IGSF9B: variants seen among roughly 807,000 people sequenced by gnomAD.
IGSF9B encodes the protein protein turtle homolog B.
IGSF9B carries 48 observed loss-of-function variants against 143.7 expected under a neutral mutation model. The ratio of observed to expected loss-of-function variants is 0.33; its 90% confidence interval spans 0.26 to 0.42. The LOEUF is 0.42. IGSF9B is among the 20% of genes least tolerant of loss of function. IGSF9B has a pLI of 1.00. For synonymous variants in IGSF9B, 903 were observed against 833.1 expected, an observed-to-expected ratio of 1.08 and a Z score of -1.44; for missense variants, 1,706 against 1,980.0, an observed-to-expected ratio of 0.86 and a Z score of 2.63.
intron 17 of IGSF9B, 56 bp from the exon 18 acceptor site, chr11:133,921,453 G>A (rs774548203): frequency 1.9e-4 from 263 of 1,352,998 alleles, no homozygotes; most frequent in Non-Finnish European, 2.5e-4. Context: ...TGCTGGCCAG[G>A]ACTTCCTTTC....
At chr11:133,915,185 G>A (rs1939357697) in intron 18 of IGSF9B, among the ~76,000 whole-genome samples, 1 of 151,894 alleles carries the variant, frequency 6.6e-6, no homozygotes, top group African/African-American at 2.4e-5. Flanking sequence ...ACTCCAAGAT[G>A]AGGGCCTCAA....
Position 133,903,222 on chromosome 11 carries a change from G to A in IGSF9B, c.*5847C>T, listed in dbSNP as rs756689390. On this transcript the variant is annotated 3_prime_UTR_variant, in exon 20 of 20. Transcript: ENST00000533871. ...AGTGCCACAGAGAGGTAGGATTGGT[G>A]GAGCACACTTCTTCAAGACCCGAAA... Among the ~76,000 whole-genome samples the A allele has an allele frequency of 6.6e-5, 10 of 152,050 alleles. No homozygotes were observed. The highest frequency in any genetic ancestry group is 1.3e-4 in the Non-Finnish European group (9 of 68,014).
rs923705095 is a variant in IGSF9B at position 133,927,084 on chromosome 11, G to A, written c.1639C>T (p.Arg547Trp). Reference protein sequence around the residue: ...YEQTFSVWMKRAQFGPHDWLS... With the variant: ...YEQTFSVWMKWAQFGPHDWLS... ...CAGTCATGGGGCCCAAACTGTGCCCGCTTCATCCTGGCCAAAAGAGAGAGA... is the reference window on the plus strand; with the variant it reads ...CAGTCATGGGGCCCAAACTGTGCCCACTTCATCCTGGCCAAAAGAGAGAGA... The change falls in exon 13 of 20, where the codon CGG becomes TGG. Residue 547 changes from arginine (R) to tryptophan (W), a missense_variant. Transcript: ENST00000533871. The A allele has an allele frequency of 1.9e-6, 3 of 1,552,612 alleles. No homozygotes were observed. Among genetic ancestry groups the A allele is most frequent in the South Asian group, 1.2e-5 (1 of 84,186 alleles).
intron 1 of IGSF9B, among the ~76,000 whole-genome samples, chr11:133,955,891 C>CCCGCCCCTCCCCTCCCCCGCCG (rs1423718823): frequency 2.0e-5 from 3 of 152,074 alleles, no homozygotes. Context: ...CCCCCCCTTC[C>CCCGCCCCTCCCCTCCCCCGCCG]CCGCCCCTCC....
chr11:133,904,684 CAA>C lies in IGSF9B; in HGVS notation c.*4383_*4384del, dbSNP rs1267962927. Among the ~76,000 whole-genome samples the C allele has an allele frequency of 6.6e-6, 1 of 152,052 alleles. No homozygotes were observed. Among genetic ancestry groups the C allele is most frequent in the Non-Finnish European group, 1.5e-5 (1 of 68,014 alleles). On this transcript the variant is annotated 3_prime_UTR_variant, in exon 20 of 20. Coordinates refer to ENST00000533871, the MANE Select transcript of IGSF9B (RefSeq NM_001277285.4). ...CAAGTAACTAAGTTATCACATGACT[CAA>C]AGAGATGCTGAGGCTTGGTGTCCCC...
At chr11:133,940,381 C>T (rs1488827736) in intron 3 of IGSF9B, among the ~76,000 whole-genome samples, 2 of 142,892 alleles carry the variant, frequency 1.4e-5, no homozygotes, top group Non-Finnish European at 3.0e-5. Context: ...CGCACGTCCT[C>T]GCATGCGTCA....
Position 133,909,335 on chromosome 11 carries a change from C to T in IGSF9B, c.4106-58G>A. The T allele has an allele frequency of 7.6e-7, 1 of 1,315,612 alleles. No individual in the cohort carries two copies. Among genetic ancestry groups the T allele is most frequent in the South Asian group, 1.3e-5 (1 of 79,358 alleles). The allele number at this position is 1,315,612 out of a possible 1,614,324, so 81.5% of individuals were successfully genotyped here. The stretch of plus-strand genomic sequence containing the variant: ...AGCAAGCGGATGAAAAGGAAGCACG[C>T]AGCCTGCTCACCTTTTCCACCTGCA... On this transcript the variant is annotated intron_variant, in intron 19 of 19. Coordinates refer to ENST00000533871, the MANE Select transcript of IGSF9B (RefSeq NM_001277285.4). The surrounding 1 kb of genome is among the most constrained non-coding windows in gnomAD (Gnocchi z 4.2).
intron 3 of IGSF9B, among the ~76,000 whole-genome samples, chr11:133,939,792 G>A (rs778382396): frequency 2.0e-5 from 3 of 151,718 alleles, no homozygotes; most frequent in East Asian, 1.9e-4. Flanking sequence ...GCCCGTCCTC[G>A]CACGCGTCAT....
chr11:133,953,171 G>A lies in IGSF9B; in HGVS notation c.64+3520C>T, dbSNP rs145505937. ...ATGCTGGGGCTCAGAATCTTCCAGC[G>A]AGGCAGCCTCTGCTCCTCTGTAACC... On this transcript the variant is annotated intron_variant, in intron 1 of 19. Transcript: ENST00000533871. The surrounding 1 kb of genome is among the most constrained non-coding windows in gnomAD (Gnocchi z 4.2). Among the ~76,000 whole-genome samples the A allele has an allele frequency of 1.6e-4, 25 of 152,294 alleles. No homozygotes were observed. Among genetic ancestry groups the A allele is most frequent in the Non-Finnish European group, 2.9e-4 (20 of 68,024 alleles).
chr11:133,954,295 T>C (rs1303393820), intron 1 of IGSF9B, among the ~76,000 whole-genome samples: 1 of 152,178 alleles, frequency 6.6e-6, no homozygotes, highest in Non-Finnish European at 1.5e-5. Flanking sequence ...TTTGGAGACC[T>C]TGCAAAGGAC....
At position 133,925,646 on chromosome 11, in the gene IGSF9B, C is replaced by T. The variant is rs536850227; in HGVS notation, c.2034+93G>A. On this transcript the variant is annotated intron_variant, in intron 14 of 19. Transcript: ENST00000533871. The stretch of plus-strand genomic sequence containing the variant: ...TACAGGATGTGGCTGGCCTCACACA[C>T]CCAAAGTTGGTCACTCAAAGCTTCC... 21 of 1,009,664 alleles carry T rather than the reference C, an allele frequency of 2.1e-5. No individual in the cohort carries two copies. The East Asian group carries it at 5.4e-4, about 26-fold the overall frequency. 62.5% of individuals were successfully genotyped at this position (1,009,664 alleles called of 1,614,324 possible).
rs1939073260 is a variant in IGSF9B, at chr11:133,899,103, C to T, written c.*9966G>A. 6.6e-6 allele frequency: 1 copy of T among 152,284 alleles called. No individual in the cohort carries two copies. Among genetic ancestry groups the T allele is most frequent in the African/African-American group, 2.4e-5 (1 of 41,446 alleles). 9.4% of individuals were successfully genotyped at this position (152,284 alleles called of 1,614,324 possible). Reference sequence around the variant, plus strand: ...CAGAGGTAGCAAGACAGAAACAACTCCTCAGATACCTCCACCTTCTACCAA... The same window carrying T: ...CAGAGGTAGCAAGACAGAAACAACTTCTCAGATACCTCCACCTTCTACCAA... On this transcript the variant is annotated 3_prime_UTR_variant, in exon 20 of 20. Coordinates refer to ENST00000533871, the MANE Select transcript of IGSF9B (RefSeq NM_001277285.4).
At chr11:133,923,741 G>GCCT (rs1939580400) in intron 15 of IGSF9B, among the ~76,000 whole-genome samples, 1 of 152,264 alleles carries the variant, frequency 6.6e-6, no homozygotes, top group South Asian at 2.1e-4. Flanking sequence ...TGAGGCTGCT[G>GCCT]CCTCCTCCTT....
rs1323039097 is a variant in IGSF9B, at chr11:133,955,027, G to T, written c.64+1664C>A. 2.6e-5 allele frequency among the ~76,000 whole-genome samples: 4 copies of T among 152,200 alleles called. No homozygotes were observed. In the South Asian group the frequency reaches 8.3e-4, roughly 32 times the overall value. On this transcript the variant is annotated intron_variant, in intron 1 of 19. Transcript: ENST00000533871. Reference sequence around the variant, plus strand: ...CCATTGCCCACCCTGACTTAGGTTCGGAGGCTATTTCAGAGCCTTCCTTCA... The same window carrying T: ...CCATTGCCCACCCTGACTTAGGTTCTGAGGCTATTTCAGAGCCTTCCTTCA...
chr11:133,948,529 G>A lies in IGSF9B; in HGVS notation c.65-2271C>T, dbSNP rs1940100088. On this transcript the variant is annotated intron_variant, in intron 1 of 19. Coordinates refer to ENST00000533871, the MANE Select transcript of IGSF9B (RefSeq NM_001277285.4). The surrounding 1 kb of genome is among the most constrained non-coding windows in gnomAD (Gnocchi z 4.7). Reference sequence around the variant, plus strand: ...AGCCCCAGGGGCCCTCAGCAGGAGAGGCTGCCTCCCAGCAGCCAGGATCAC... The same window carrying A: ...AGCCCCAGGGGCCCTCAGCAGGAGAAGCTGCCTCCCAGCAGCCAGGATCAC... Among the ~76,000 whole-genome samples the A allele has an allele frequency of 2.0e-5, 3 of 152,100 alleles. No homozygotes were observed. In the South Asian group the frequency reaches 6.2e-4, roughly 32 times the overall value.
chr11:133,926,851 G>A, intron 13 of IGSF9B, 65 bp downstream of exon 13: 1 of 1,405,070 alleles, frequency 7.1e-7, no homozygotes, highest in South Asian at 1.4e-5. Context: ...TGCTATAGCT[G>A]CCTGGGCCAC....
At chr11:133,912,082 C>T (rs1939310366) in intron 18 of IGSF9B, 75 bp from the exon 19 acceptor site, 1 of 1,459,486 alleles carries the variant, frequency 6.9e-7, no homozygotes, top group Non-Finnish European at 9.0e-7. Flanking sequence ...TGGAAGAAAG[C>T]CAAGTAGCTG....
Position 133,929,761 on chromosome 11 carries a change from C to A in IGSF9B, c.1541G>T (p.Gly514Val). 6.2e-7 allele frequency: 1 copy of A among 1,613,234 alleles called. No individual in the cohort carries two copies. Among genetic ancestry groups the A allele is most frequent in the South Asian group, 1.1e-5 (1 of 91,068 alleles). The change falls in exon 12 of 20, where the codon GGC becomes GTC. Residue 514 changes from glycine to valine, a missense_variant. Transcript: ENST00000533871. ...TVIGTSPHAP[G>V]SVRVQVSMTT... Reference sequence around the variant, plus strand: ...CATGGAGACCTGGACCCGGACACTGCCCGGGGCATGGGGGCTGGTGCCTGG... The same window carrying A: ...CATGGAGACCTGGACCCGGACACTGACCGGGGCATGGGGGCTGGTGCCTGG...
chr11:133,950,943 G>A (rs1002754134), intron 1 of IGSF9B, among the ~76,000 whole-genome samples: 2 of 151,928 alleles, frequency 1.3e-5, no homozygotes, highest in Non-Finnish European at 2.9e-5. Context: ...TAATACCAGC[G>A]ACAGCCACCG....
Sources: gnomAD v4.1 joint callset for allele counts (sites outside exome capture counted in the v4.1 genomes callset) on GRCh38, gnomAD v4.1.1 for gene constraint, Gnocchi (gnomAD v3.1) non-coding constraint, MANE v1.5 for transcripts, NCBI Gene and HGNC (gene_info 2026-07-23, HGNC 2026-07-21) for gene names.